The following LRGUK variants were observed in gnomAD, a reference collection of about 807,000 sequenced individuals.
LRGUK encodes the protein leucine-rich repeat and guanylate kinase domain-containing protein.
Under a neutral mutation model 76.0 loss-of-function variants are expected in LRGUK, and 65 were observed. That is an observed-to-expected ratio of 0.85 (90% CI 0.70 to 1.05). The LOEUF is 1.05. Among genes scored for constraint, LRGUK ranks in the 50% least tolerant of loss-of-function variants. The pLI, the probability that LRGUK is intolerant of heterozygous loss-of-function variation, is 0.00. For missense variants in LRGUK, 758 were observed against 732.8 expected (o/e 1.03, Z -0.40); for synonymous variants, 268 against 265.6 (o/e 1.01, Z -0.09).
At chr7:134,265,434 T>C (rs890879280), downstream of LRGUK, among the ~76,000 whole-genome samples, 2 of 152,110 alleles carry the variant, frequency 1.3e-5, no homozygotes, top group African/African-American at 4.8e-5. Context: ...AGTTTGGTTT[T>C]CCTCATATAT....
intron 4 of LRGUK, 26 bp from the exon 5 acceptor site, chr7:134,148,212 A>G: frequency 7.0e-7 from 1 of 1,418,956 alleles, no homozygotes; most frequent in South Asian, 1.2e-5. Context: ...TATTAATATA[A>G]CATCTTGTTC....
intron 4 of LRGUK, among the ~76,000 whole-genome samples, chr7:134,144,225 G>A (rs1356865837): frequency 6.6e-6 from 1 of 152,088 alleles, no homozygotes; most frequent in Non-Finnish European, 1.5e-5. Context: ...CGCAACCTCC[G>A]ACTCCTGGGC....
the LRGUK span, among the ~76,000 whole-genome samples, chr7:134,269,695 A>G: frequency 6.6e-6 from 1 of 152,174 alleles, no homozygotes; most frequent in Non-Finnish European, 1.5e-5. Context: ...CTCTGGATAT[A>G]TTCCATCTTG....
intron 7 of LRGUK, among the ~76,000 whole-genome samples, chr7:134,172,537 G>A (rs1222425): frequency 0.99 from 151,444 of 152,280 alleles, 75,317 homozygotes; most frequent in Middle Eastern, 1. Flanking sequence ...TATGAAACAA[G>A]TGAAATACAT....
intron 11 of LRGUK, among the ~76,000 whole-genome samples, chr7:134,190,130 A>G (rs964994429): frequency 6.6e-6 from 1 of 152,222 alleles, no homozygotes; most frequent in African/African-American, 2.4e-5. Flanking sequence ...ATAAGAAATA[A>G]TACCTAGCTT....
At chr7:134,146,751 A>C (rs1166902890) in intron 4 of LRGUK, among the ~76,000 whole-genome samples, 2 of 152,124 alleles carry the variant, frequency 1.3e-5, no homozygotes, top group African/African-American at 4.8e-5. Flanking sequence ...TTAGTACTTA[A>C]AGGGTTTAGT....
chr7:134,181,709 T>C (rs1393082764), intron 10 of LRGUK, among the ~76,000 whole-genome samples: 2 of 152,322 alleles, frequency 1.3e-5, no homozygotes, highest in East Asian at 3.9e-4. Context: ...TAGATTCACA[T>C]GAAGTTGTAA....
exon 5 of LRGUK, chr7:134,148,253 C>T: frequency 1.2e-6 from 2 of 1,603,350 alleles, no homozygotes; most frequent in Non-Finnish European, 1.7e-6. Flanking sequence ...GGATTTTTCC[C>T]ACAACCAAAT....
At chr7:134,191,984 G>A (rs1800273214) in intron 12 of LRGUK, among the ~76,000 whole-genome samples, 1 of 151,558 alleles carries the variant, frequency 6.6e-6, no homozygotes, top group Non-Finnish European at 1.5e-5. Flanking sequence ...AAAAATGAAT[G>A]AGTAGGCATT....
At position 134,163,373 on chromosome 7, in the gene LRGUK, T is replaced by G. The variant is rs754686906; in HGVS notation, c.796-24T>G. 9 of 1,592,340 alleles carry G rather than the reference T, an allele frequency of 5.7e-6. No individual in the cohort carries two copies. In the African/African-American group the frequency reaches 9.4e-5, roughly 17 times the overall value. On this transcript the variant is annotated intron_variant, in intron 6 of 15. Coordinates refer to ENST00000645682, the Ensembl canonical transcript of LRGUK. ...TTTCCTTGAGAGGTCTTTGAGACAT[T>G]AAATATATTTTTTTCTGTTTTAGAG... is the stretch of plus-strand genomic sequence containing the variant.
At chr7:134,240,189 G>T (rs1210095511) in intron 16 of LRGUK, among the ~76,000 whole-genome samples, 1 of 152,220 alleles carries the variant, frequency 6.6e-6, no homozygotes, top group African/African-American at 2.4e-5. Context: ...ATGGAACAAA[G>T]CTGGACGGAG....
At chr7:134,263,427 A>ATGTGTGTGTGTGTGTGTGTGTGTG (rs1802789630) in intron 19 of LRGUK, among the ~76,000 whole-genome samples, 1 of 53,046 alleles carries the variant, frequency 1.9e-5, no homozygotes, top group African/African-American at 6.0e-5. Flanking sequence ...GTCTGTGTGC[A>ATGTGTGTGTGTGTGTGTGTGTGTG]TGTGTATGAT....
intron 19 of LRGUK, 100 bp from the exon 20 acceptor site, chr7:134,263,745 A>C: frequency 4.2e-6 from 5 of 1,183,660 alleles, no homozygotes; most frequent in Non-Finnish European, 5.7e-6. Flanking sequence ...GTCATGAACG[A>C]ATTCTAGAAA....
Position 134,221,740 on chromosome 7 carries a change from A to G in LRGUK, c.1844-39A>G, listed in dbSNP as rs777270521. ...TTCTATCACTTCAGAAATTTCCTTTATGACTTTTATTTTAAACTTTATTTT... is the reference window on the plus strand; with the variant it reads ...TTCTATCACTTCAGAAATTTCCTTTGTGACTTTTATTTTAAACTTTATTTT... On this transcript the variant is annotated intron_variant, in intron 15 of 19. Coordinates refer to the LRGUK transcript ENST00000285928. 3.5e-6 allele frequency: 5 copies of G among 1,421,592 alleles called. No individual in the cohort carries two copies. The Admixed American group carries it at 8.2e-5, about 23-fold the overall frequency. The allele number at this position is 1,421,592 out of a possible 1,614,324, so 88.1% of individuals were successfully genotyped here. A position where few individuals can be genotyped will look rare whatever the true frequency, so the allele number is the denominator to read the frequency against.
intron 19 of LRGUK, among the ~76,000 whole-genome samples, chr7:134,262,692 A>G (rs1255645425): frequency 6.6e-6 from 1 of 151,594 alleles, no homozygotes; most frequent in East Asian, 2.0e-4. Context: ...GAAGGGCCAG[A>G]CTCAGTGGCT....
intron 16 of LRGUK, among the ~76,000 whole-genome samples, chr7:134,222,769 T>C (rs1801634096): frequency 6.6e-6 from 1 of 151,998 alleles, no homozygotes; most frequent in Non-Finnish European, 1.5e-5. Context: ...CCACCATGCC[T>C]AGCTAATTTT....
intron 15 of LRGUK, among the ~76,000 whole-genome samples, chr7:134,215,586 C>T (rs1433843545): frequency 2.0e-5 from 3 of 151,842 alleles, no homozygotes; most frequent in East Asian, 1.9e-4. Context: ...TATATGTATA[C>T]GTTTTATATA....
chr7:134,213,571 G>A (rs183654328), downstream of LRGUK, among the ~76,000 whole-genome samples: 63 of 152,196 alleles, frequency 4.1e-4, no homozygotes, highest in African/African-American at 1.2e-3. Flanking sequence ...TTTCCTCTTC[G>A]GGCGCCTGTT....
chr7:134,201,832 A>T (rs1800785250), intron 15 of LRGUK, among the ~76,000 whole-genome samples: 1 of 152,088 alleles, frequency 6.6e-6, no homozygotes, highest in African/African-American at 2.4e-5. Context: ...GCCTTGGCGG[A>T]GGTAATAGAT....
Sources: allele counts gnomAD v4.1 joint callset (sites outside exome capture counted in the v4.1 genomes callset), GRCh38; gene constraint gnomAD v4.1.1; transcripts MANE v1.5; gene names NCBI Gene and HGNC (gene_info 2026-07-23, HGNC 2026-07-21).